Variants in RANBP2 observed in about 807,000 individuals in gnomAD.
The protein encoded by RANBP2 is RAN binding protein 2, also known as E3 SUMO-protein ligase RanBP2.
Under a neutral mutation model 303.6 loss-of-function variants are expected in RANBP2, and 57 were observed. The ratio of observed to expected loss-of-function variants is 0.19; its 90% CI spans 0.15 to 0.23. RANBP2 has a LOEUF of 0.23. Among genes scored for constraint, RANBP2 ranks in the 10% least tolerant of loss-of-function variants. RANBP2 has a pLI of 1.00. For synonymous variants in RANBP2, 1,167 were observed against 1,301.5 expected, an observed-to-expected ratio of 0.90 and a Z score of 2.23; for missense variants, 3,138 against 3,780.8, an observed-to-expected ratio of 0.83 and a Z score of 4.46.
At chr2:109,378,690 G>A in the RANBP2 span, among the ~76,000 whole-genome samples, 1 of 152,194 alleles carries the variant, frequency 6.6e-6, no homozygotes, top group Non-Finnish European at 1.5e-5. Flanking sequence ...GGCCAGGGAA[G>A]CCTTTCATGT....
intron 23 of RANBP2, among the ~76,000 whole-genome samples, chr2:108,773,439 A>G (rs551971812): frequency 6.6e-6 from 1 of 152,314 alleles, no homozygotes; most frequent in South Asian, 2.1e-4. Flanking sequence ...TAGACTAATC[A>G]GCTATGGCCA....
the RANBP2 span, among the ~76,000 whole-genome samples, chr2:109,686,928 T>C: frequency 2.0e-5 from 3 of 152,326 alleles, no homozygotes; most frequent in African/African-American, 7.2e-5. Flanking sequence ...ATTTAAACCA[T>C]TGTAGATGTG....
At chr2:108,970,152 G>T in the RANBP2 span, among the ~76,000 whole-genome samples, 316 of 152,228 alleles carry the variant, frequency 2.1e-3, 2 homozygotes, top group African/African-American at 6.5e-3. Context: ...CACTGAGAGG[G>T]GAGCATCGCC....
chr2:109,300,601 A>C, the RANBP2 span, among the ~76,000 whole-genome samples: 1 of 152,220 alleles, frequency 6.6e-6, no homozygotes, highest in African/African-American at 2.4e-5. Context: ...GCAAATATGC[A>C]CTGGGACTTC....
chr2:109,254,914 T>A, the RANBP2 span, among the ~76,000 whole-genome samples: 1 of 152,184 alleles, frequency 6.6e-6, no homozygotes, highest in Admixed American at 6.5e-5. Flanking sequence ...TGTGACCCAC[T>A]CTGGTCTCAA....
At chr2:108,991,014 T>C in the RANBP2 span, among the ~76,000 whole-genome samples, 1 of 152,192 alleles carries the variant, frequency 6.6e-6, no homozygotes, top group Non-Finnish European at 1.5e-5. Flanking sequence ...GGAAATTAAG[T>C]GGTGATTTAA....
At chr2:109,136,415 C>G in the RANBP2 span, among the ~76,000 whole-genome samples, 1 of 152,066 alleles carries the variant, frequency 6.6e-6, no homozygotes, top group Non-Finnish European at 1.5e-5. Flanking sequence ...AACAGGGTGT[C>G]GAGCTGAAGG....
chr2:109,014,012 G>T, the RANBP2 span, among the ~76,000 whole-genome samples: 5 of 152,234 alleles, frequency 3.3e-5, 1 homozygote, highest in Admixed American at 1.3e-4. Flanking sequence ...TTCTGAGCTT[G>T]CTGGATAGTG....
At chr2:108,949,840 T>C in the RANBP2 span, among the ~76,000 whole-genome samples, 1 of 152,230 alleles carries the variant, frequency 6.6e-6, no homozygotes, top group Non-Finnish European at 1.5e-5. Flanking sequence ...CATGGTGCCT[T>C]AGAAGCAGAT....
chr2:109,328,649 G>A, the RANBP2 span, among the ~76,000 whole-genome samples: 2 of 152,138 alleles, frequency 1.3e-5, no homozygotes, highest in Admixed American at 1.3e-4. Flanking sequence ...ACTGATATAG[G>A]AAGGGAATTC....
the RANBP2 span, among the ~76,000 whole-genome samples, chr2:108,905,942 A>T: frequency 6.6e-6 from 1 of 152,100 alleles, no homozygotes; most frequent in Non-Finnish European, 1.5e-5. Flanking sequence ...AGGATAAATG[A>T]CTGATCACGT....
the RANBP2 span, among the ~76,000 whole-genome samples, chr2:108,915,897 C>CA: frequency 5.4e-4 from 79 of 145,004 alleles, no homozygotes; most frequent in Middle Eastern, 3.5e-3. Context: ...AACTCCATCT[C>CA]AAAAAAAAAA....
the RANBP2 span, among the ~76,000 whole-genome samples, chr2:109,710,778 G>A: frequency 6.6e-6 from 1 of 152,166 alleles, no homozygotes; most frequent in Non-Finnish European, 1.5e-5. Context: ...GGGGTGAGAG[G>A]AGACCTGGGG....
chr2:109,132,474 A>C, the RANBP2 span, among the ~76,000 whole-genome samples: 2 of 152,198 alleles, frequency 1.3e-5, no homozygotes, highest in African/African-American at 4.8e-5. Flanking sequence ...TGGTTAGCAG[A>C]ACCTCTCAGC....
chr2:109,004,587 C>G, the RANBP2 span, among the ~76,000 whole-genome samples: 9 of 152,202 alleles, frequency 5.9e-5, no homozygotes, highest in African/African-American at 1.9e-4. Context: ...GGTTCCACCA[C>G]TGCAAAGGCA....
the RANBP2 span, among the ~76,000 whole-genome samples, chr2:109,203,460 C>CT: frequency 6.6e-6 from 1 of 152,216 alleles, no homozygotes; most frequent in Non-Finnish European, 1.5e-5. Context: ...ATGACATATT[C>CT]TTTAAGTCGC....
At chr2:109,158,817 G>T in the RANBP2 span, among the ~76,000 whole-genome samples, 3 of 152,186 alleles carry the variant, frequency 2.0e-5, no homozygotes, top group Non-Finnish European at 2.9e-5. Flanking sequence ...GACCAGCCCT[G>T]GTCTACATGC....
chr2:109,715,624 C>T, the RANBP2 span, among the ~76,000 whole-genome samples: 27 of 152,138 alleles, frequency 1.8e-4, no homozygotes, highest in Non-Finnish European at 3.4e-4. Flanking sequence ...AATTCTGTTC[C>T]TTTGGGTTTT....
the RANBP2 span, among the ~76,000 whole-genome samples, chr2:109,331,831 CA>C: frequency 1.3e-5 from 2 of 152,104 alleles, no homozygotes; most frequent in African/African-American, 4.8e-5. Flanking sequence ...AGATCTTTGC[CA>C]GGGGCACCCT....
Sources: gnomAD v4.1 joint callset for allele counts (sites outside exome capture counted in the v4.1 genomes callset) on GRCh38, gnomAD v4.1.1 for gene constraint, MANE v1.5 for transcripts, NCBI Gene and HGNC (gene_info 2026-07-23, HGNC 2026-07-21) for gene names.